The following NCAM1 variants were observed in gnomAD, a reference collection of about 807,000 sequenced individuals.
NCAM1 encodes the protein neural cell adhesion molecule 1.
A neutral mutation model predicts 109.8 loss-of-function variants in NCAM1; 14 were observed. The observed-to-expected ratio is 0.13, with a 90% confidence interval of 0.08 to 0.20. The LOEUF (loss-of-function observed/expected upper bound fraction) is 0.20, where lower values mean the gene tolerates loss of function less well. Among genes scored for constraint, NCAM1 ranks in the 10% least tolerant of loss-of-function variants. NCAM1 has a pLI of 1.00. For missense variants in NCAM1, 774 were observed against 1,109.9 expected (o/e 0.70, Z 4.30); for synonymous variants, 418 against 442.9 (o/e 0.94, Z 0.70).
rs1253785029 is a variant in NCAM1 at position 113,273,164 on chromosome 11, C to G, written c.2456+1288C>G. ...CCAAGGGGCCCAGCGCCTCTGCCCC[C>G]TCCCCGGCCCCAGCTTCAGCCCCCA... On this transcript the variant is annotated intron_variant, in intron 19 of 19. Coordinates refer to ENST00000316851, the MANE Select transcript of NCAM1 (RefSeq NM_181351.5). The surrounding 1 kb of genome is among the most constrained non-coding windows in gnomAD (Gnocchi z 6.0). 2.4e-6 allele frequency: 1 copy of G among 412,210 alleles called. No individual in the cohort carries two copies. The highest frequency in any genetic ancestry group is 1.8e-5 in the South Asian group (1 of 56,956). 25.5% of individuals were successfully genotyped at this position (412,210 alleles called of 1,614,324 possible). A position where few individuals can be genotyped will look rare whatever the true frequency, so the allele number is the denominator to read the frequency against.
intron 1 of NCAM1, among the ~76,000 whole-genome samples, chr11:113,089,463 T>A (rs1315526274): frequency 6.6e-6 from 1 of 152,132 alleles, no homozygotes; most frequent in Non-Finnish European, 1.5e-5. Flanking sequence ...AGTGTTAGGC[T>A]TAGAATTTTC....
intron 1 of NCAM1, among the ~76,000 whole-genome samples, chr11:113,069,667 C>T (rs1938167440): frequency 6.6e-6 from 1 of 151,928 alleles, no homozygotes; most frequent in Non-Finnish European, 1.5e-5. Context: ...GTTCTAAGCA[C>T]GTGAAGAGGG....
At chr11:113,167,958 C>G (rs191078022) in intron 1 of NCAM1, among the ~76,000 whole-genome samples, 2 of 152,240 alleles carry the variant, frequency 1.3e-5, no homozygotes, top group East Asian at 3.9e-4. Context: ...TCTTTACATA[C>G]CTGTTCTATA....
chr11:113,123,759 C>T (rs896159405), intron 1 of NCAM1, among the ~76,000 whole-genome samples: 1 of 152,232 alleles, frequency 6.6e-6, no homozygotes, highest in Non-Finnish European at 1.5e-5. Context: ...AGCCACCCCT[C>T]AGCTCCGCTC....
At chr11:113,136,755 C>G (rs1270662206) in intron 1 of NCAM1, among the ~76,000 whole-genome samples, 1 of 152,000 alleles carries the variant, frequency 6.6e-6, no homozygotes, top group Non-Finnish European at 1.5e-5. Context: ...GTGCAGGAGG[C>G]TGGGCTGTGG....
chr11:113,245,419 G>A (rs1367206510), intron 14 of NCAM1, among the ~76,000 whole-genome samples: 4 of 152,216 alleles, frequency 2.6e-5, no homozygotes, highest in African/African-American at 9.6e-5. Context: ...TGCAGCCTGG[G>A]TGATGAAACG....
chr11:113,204,368 A>T lies in NCAM1; in HGVS notation c.210A>T (p.Ser70=), dbSNP rs1555112454. 1 of 1,613,804 alleles carries T rather than the reference A, an allele frequency of 6.2e-7. No individual in the cohort carries two copies. Among genetic ancestry groups the T allele is most frequent in the Non-Finnish European group, 8.5e-7 (1 of 1,179,694 alleles). Residue 70 remains serine (S), a synonymous_variant, in exon 3 of 20, where the codon TCA becomes TCT. Coordinates refer to ENST00000316851, the MANE Select transcript of NCAM1 (RefSeq NM_181351.5). ...EKLTPNQQRI[S]VVWNDDSSST... ...TCACCCCAAACCAGCAGCGGATCTC[A>T]GTGGTGTGGAATGATGATTCCTCCT...
chr11:113,128,317 T>A (rs143424221), intron 1 of NCAM1, among the ~76,000 whole-genome samples: 1 of 152,240 alleles, frequency 6.6e-6, no homozygotes, highest in Non-Finnish European at 1.5e-5. Flanking sequence ...ACCTCACATC[T>A]CCAGGCCTCT....
chr11:113,063,028 G>GAATAA (rs1268405534), intron 1 of NCAM1, among the ~76,000 whole-genome samples: 1 of 152,146 alleles, frequency 6.6e-6, no homozygotes, highest in African/African-American at 2.4e-5. Context: ...CCAATAGAAG[G>GAATAA]AATAACATTT....
At chr11:113,235,291 C>T in intron 14 of NCAM1, 127 bp downstream of exon 14, 1 of 1,579,030 alleles carries the variant, frequency 6.3e-7, no homozygotes, top group Non-Finnish European at 8.6e-7. Flanking sequence ...CCCTCTGCTC[C>T]TGGAGGCCCC....
chr11:113,225,732 G>A lies in NCAM1; in HGVS notation c.1089+4407G>A, dbSNP rs549892392. ...AAGCCCATCAGACTAATAGCTGATC[G>A]CTCGGCAGAAATTCTACAAGCCAGA... On this transcript the variant is annotated intron_variant, in intron 9 of 19. Transcript: ENST00000316851. Among the ~76,000 whole-genome samples, 17 of 152,316 alleles carry A rather than the reference G, an allele frequency of 1.1e-4. No individual in the cohort carries two copies. In the South Asian group the frequency reaches 1.5e-3, roughly 13 times the overall value.
chr11:113,025,669 G>T (rs1952517063), intron 1 of NCAM1, among the ~76,000 whole-genome samples: 1 of 150,312 alleles, frequency 6.7e-6, no homozygotes, highest in South Asian at 2.1e-4. Flanking sequence ...AGTGAGCCAA[G>T]ATCGCACCAC....
At chr11:113,087,633 G>T (rs2135732672) in intron 1 of NCAM1, among the ~76,000 whole-genome samples, 1 of 152,300 alleles carries the variant, frequency 6.6e-6, no homozygotes, top group Non-Finnish European at 1.5e-5. Context: ...GATAGGAGCT[G>T]TTGAACTTGA....
intron 1 of NCAM1, among the ~76,000 whole-genome samples, chr11:113,033,208 A>C (rs968767226): frequency 3.3e-5 from 5 of 152,238 alleles, no homozygotes; most frequent in African/African-American, 4.8e-5. Context: ...GCTGTGTTTC[A>C]TGTGTGATAG....
chr11:113,208,155 C>T (rs1555113201), intron 7 of NCAM1, among the ~76,000 whole-genome samples, 153 bp downstream of exon 7: 1 of 152,158 alleles, frequency 6.6e-6, no homozygotes, highest in Non-Finnish European at 1.5e-5. Context: ...AAGCCCTAGT[C>T]CAAGCCACCA....
chr11:113,230,665 T>C (rs1480710433), intron 9 of NCAM1, among the ~76,000 whole-genome samples: 2 of 152,204 alleles, frequency 1.3e-5, no homozygotes, highest in African/African-American at 4.8e-5. Flanking sequence ...AGGTGCAGAA[T>C]ATAACCTCCT....
intron 1 of NCAM1, among the ~76,000 whole-genome samples, chr11:112,964,152 T>TTG (rs1555064543): frequency 0.012 from 66 of 5,562 alleles, 2 homozygotes; most frequent in South Asian, 0.016. Flanking sequence ...TTTTTTTTTT[T>TTG]TTGTTTTTTT....
intron 1 of NCAM1, among the ~76,000 whole-genome samples, chr11:113,025,818 A>AGAGAGG (rs1376674057): frequency 1.7e-5 from 2 of 119,464 alleles, no homozygotes; most frequent in African/African-American, 3.1e-5. Context: ...AGAGAGAGAG[A>AGAGAGG]GAGAGGGAGA....
intron 1 of NCAM1, among the ~76,000 whole-genome samples, chr11:113,194,291 T>G (rs1943786305): frequency 6.6e-6 from 1 of 152,192 alleles, no homozygotes; most frequent in Non-Finnish European, 1.5e-5. Context: ...GACAATCAAT[T>G]ATGATGTCAT....
Sources: allele counts gnomAD v4.1 joint callset (sites outside exome capture counted in the v4.1 genomes callset), GRCh38; gene constraint gnomAD v4.1.1; non-coding constraint Gnocchi (gnomAD v3.1); transcripts MANE v1.5; gene names NCBI Gene and HGNC (gene_info 2026-07-23, HGNC 2026-07-21).